COL9A1: variants seen among roughly 807,000 people sequenced by gnomAD.
The protein encoded by COL9A1 is collagen alpha-1(IX) chain.
COL9A1 carries 104 observed loss-of-function variants against 142.6 expected under a neutral mutation model. The observed-to-expected ratio is 0.73, with a 90% CI of 0.62 to 0.86. The LOEUF is 0.86. COL9A1 is among the 40% of genes least tolerant of loss of function. The pLI is 0.00. For missense variants in COL9A1, 1,210 were observed against 1,176.6 expected (o/e 1.03, Z -0.42); for synonymous variants, 466 against 396.0 (o/e 1.18, Z -2.10).
intron 6 of COL9A1, 131 bp from the exon 7 acceptor site, chr6:70,283,049 C>T (rs1203026548): frequency 6.4e-7 from 1 of 1,571,136 alleles, no homozygotes; most frequent in South Asian, 1.1e-5. Context: ...GCAGTCCAGG[C>T]CATGCCCGCC....
chr6:70,247,036 T>C (rs1292913857), intron 28 of COL9A1, among the ~76,000 whole-genome samples: 1 of 152,270 alleles, frequency 6.6e-6, no homozygotes, highest in Non-Finnish European at 1.5e-5. Flanking sequence ...GTGTTAGTTA[T>C]ATTGATCTGA....
chr6:70,300,933 C>T (rs1217254099), intron 2 of COL9A1, among the ~76,000 whole-genome samples: 1 of 151,924 alleles, frequency 6.6e-6, no homozygotes. Context: ...GATATAGGGG[C>T]CTGGGGAAGT....
Position 70,217,076 on chromosome 6 carries a change from G to A in COL9A1, c.2587C>T (p.Pro863Ser), listed in dbSNP as rs969476871. Reference sequence around the variant, plus strand: ...TTTCTGCCATAGCTGGCAGGGCCTGGGTCACCTGAAACACACAGAAGATTG... The same window carrying A: ...TTTCTGCCATAGCTGGCAGGGCCTGAGTCACCTGAAACACACAGAAGATTG... ...LPGAIGLPGD[P>S]GPASYGRNGR... Residue 863 changes from proline to serine, a missense_variant, in exon 38 of 38, where the codon CCA becomes TCA. Physicochemically the swap from Pro to Ser is moderately conservative, Grantham distance 74. Coordinates refer to ENST00000357250, the MANE Select transcript of COL9A1 (RefSeq NM_001851.6). The A allele has an allele frequency of 1.9e-6, 3 of 1,613,874 alleles. No homozygotes were observed. The highest frequency in any genetic ancestry group is 2.7e-5 in the African/African-American group (2 of 74,914).
At chr6:70,230,050 C>G (rs1423668517) in intron 36 of COL9A1, among the ~76,000 whole-genome samples, 4 of 152,158 alleles carry the variant, frequency 2.6e-5, no homozygotes, top group African/African-American at 9.7e-5. Context: ...AAGATTCATA[C>G]CATCCCTTCT....
intron 17 of COL9A1, among the ~76,000 whole-genome samples, chr6:70,268,406 G>C (rs980765035): frequency 6.6e-6 from 1 of 151,920 alleles, no homozygotes; most frequent in Non-Finnish European, 1.5e-5. Flanking sequence ...TAGAGACAGG[G>C]GTCTCCCTCT....
chr6:70,287,379 A>C (rs1242950319), intron 5 of COL9A1, among the ~76,000 whole-genome samples: 2 of 152,178 alleles, frequency 1.3e-5, no homozygotes, highest in Non-Finnish European at 2.9e-5. Context: ...GGATGGGGAA[A>C]GCTTCCTTGA....
At chr6:70,253,637 C>T (rs945967099) in intron 25 of COL9A1, among the ~76,000 whole-genome samples, 3 of 152,188 alleles carry the variant, frequency 2.0e-5, no homozygotes, top group Admixed American at 6.5e-5. Flanking sequence ...CTATATCTGG[C>T]TTGTTAAAGC....
Position 70,300,118 on chromosome 6 carries a change from T to C in COL9A1, c.224A>G (p.Gln75Arg). 4 of 1,613,892 alleles carry C rather than the reference T, an allele frequency of 2.5e-6. No individual in the cohort carries two copies. Among genetic ancestry groups the C allele is most frequent in the Non-Finnish European group, 3.4e-6 (4 of 1,179,856 alleles). The change falls in exon 4 of 38, where the codon CAG (glutamine) becomes CGG (arginine). Residue 75 changes from glutamine to arginine, a missense_variant. Transcript: ENST00000357250. The stretch of plus-strand genomic sequence containing the variant: ...CAATGTAGCTGATCCCACTACTCTC[T>C]GGATAGCTCTTCTAGATGCTGCTTT... ...VDKAASRRAI[Q>R]RVVGSATLQV...
At chr6:70,236,555 T>C (rs899289393) in intron 33 of COL9A1, among the ~76,000 whole-genome samples, 1 of 152,240 alleles carries the variant, frequency 6.6e-6, no homozygotes, top group Non-Finnish European at 1.5e-5. Flanking sequence ...AAGCTGGCTC[T>C]TTCAAACAAA....
Position 70,268,985 on chromosome 6 carries a change from A to G in COL9A1, c.1231-125T>C, listed in dbSNP as rs888735611. ...ACAGAACTCCATTGCAATAATATTCATTGAATAATTCTAAACACCCCTTTC... is the reference window on the plus strand; with the variant it reads ...ACAGAACTCCATTGCAATAATATTCGTTGAATAATTCTAAACACCCCTTTC... On this transcript the variant is annotated intron_variant, in intron 16 of 37. Transcript: ENST00000357250. The G allele has an allele frequency of 5.1e-5, 38 of 748,274 alleles. No homozygotes were observed. The African/African-American group carries it at 6.2e-4, about 12-fold the overall frequency. The allele number at this position is 748,274 out of a possible 1,614,324, so 46.4% of individuals were successfully genotyped here. A position where few individuals can be genotyped will look rare whatever the true frequency, so the allele number is the denominator to read the frequency against.
At chr6:70,270,488 G>A in intron 14 of COL9A1, 121 bp from the exon 15 acceptor site, 1 of 733,892 alleles carries the variant, frequency 1.4e-6, no homozygotes, top group Non-Finnish European at 2.1e-6. Context: ...GCCATGCATA[G>A]ACCTGCCACC....
downstream of COL9A1, chr6:70,215,162 CAA>C (rs907090902): frequency 2.0e-5 from 3 of 151,768 alleles, no homozygotes; most frequent in Non-Finnish European, 4.4e-5. Context: ...CCTTTATTTT[CAA>C]AAGTCATATT....
In COL9A1 at chr6:70,283,090, C is replaced by A. The variant is rs769126668; in HGVS notation, c.781-172G>T. The stretch of plus-strand genomic sequence containing the variant: ...CCGCTAATCCCTTGGCCCGGCTCTG[C>A]AGCCTGGTTCCCCTCTAGGCTTCCA... On this transcript the variant is annotated intron_variant, in intron 6 of 37. Coordinates refer to ENST00000357250, the MANE Select transcript of COL9A1 (RefSeq NM_001851.6). 23 of 1,549,184 alleles carry A rather than the reference C, an allele frequency of 1.5e-5. No homozygotes were observed. In the African/African-American group the frequency reaches 3.0e-4, roughly 20 times the overall value.
At chr6:70,259,851 G>C (rs1220491348) in intron 20 of COL9A1, among the ~76,000 whole-genome samples, 1 of 152,128 alleles carries the variant, frequency 6.6e-6, no homozygotes, top group East Asian at 1.9e-4. Context: ...GGGGAATCTG[G>C]TTTCTGAGAC....
In COL9A1 at chr6:70,280,864, C is replaced by T. The variant is rs748150632; in HGVS notation, c.923G>A (p.Gly308Asp). The T allele has an allele frequency of 1.9e-6, 3 of 1,613,560 alleles. No individual in the cohort carries two copies. Among genetic ancestry groups the T allele is most frequent in the South Asian group, 2.2e-5 (2 of 90,994 alleles). The change falls in exon 10 of 38, where the codon GGT becomes GAT. Residue 308 changes from glycine to aspartate, a missense_variant. Transcript: ENST00000357250. ...TGGAGCTCCTGGCTTTCCCGGTTCACCTGCAGGACCCTGAGCAGGGGCAGA... is the reference window on the plus strand; with the variant it reads ...TGGAGCTCCTGGCTTTCCCGGTTCATCTGCAGGACCCTGAGCAGGGGCAGA... Reference protein sequence around the residue: ...KGPPGPPGPAGEPGKPGAPGK... With the variant: ...KGPPGPPGPADEPGKPGAPGK...
chr6:70,235,675 C>T (rs1769860123), intron 33 of COL9A1, among the ~76,000 whole-genome samples: 1 of 151,938 alleles, frequency 6.6e-6, no homozygotes, highest in African/African-American at 2.4e-5. Flanking sequence ...ATGCAGCAAG[C>T]ATAAAATAAA....
chr6:70,224,211 A>G (rs1334767408), intron 37 of COL9A1, among the ~76,000 whole-genome samples: 15 of 152,196 alleles, frequency 9.9e-5, no homozygotes, highest in Admixed American at 9.8e-4. Context: ...CTCACAATTT[A>G]CTTACACGTG....
intron 14 of COL9A1, among the ~76,000 whole-genome samples, chr6:70,271,301 T>C (rs1772385497): frequency 6.6e-6 from 1 of 152,200 alleles, no homozygotes; most frequent in Non-Finnish European, 1.5e-5. Flanking sequence ...CTAACATAAA[T>C]ACACATGGTA....
downstream of COL9A1, chr6:70,215,277 C>T (rs770504858): frequency 2.0e-5 from 3 of 152,106 alleles, no homozygotes; most frequent in Non-Finnish European, 4.4e-5. Flanking sequence ...AAGCATAAAA[C>T]TAGATGCTGT....
Sources: allele counts gnomAD v4.1 joint callset (sites outside exome capture counted in the v4.1 genomes callset), GRCh38; gene constraint gnomAD v4.1.1; transcripts MANE v1.5; gene names NCBI Gene and HGNC (gene_info 2026-07-23, HGNC 2026-07-21).